The following MED13L variants were observed in gnomAD, a reference collection of about 807,000 sequenced individuals.
MED13L encodes mediator of RNA polymerase II transcription subunit 13-like.
A neutral mutation model predicts 220.9 loss-of-function variants in MED13L; 7 were observed. The observed-to-expected ratio is 0.03, with a 90% CI of 0.02 to 0.06. The LOEUF is 0.06. Among genes scored for constraint, MED13L ranks in the 10% least tolerant of loss-of-function variants. The probability of loss-of-function intolerance (pLI) is 1.00; values close to 1 mark genes in which losing one functional copy is unlikely to be tolerated. For missense variants in MED13L, 1,965 were observed against 2,760.5 expected (o/e 0.71, Z 6.46); for synonymous variants, 1,011 against 1,015.2 (o/e 1.00, Z 0.08).
At chr12:116,072,070 T>G (rs1450044793) in intron 4 of MED13L, among the ~76,000 whole-genome samples, 1 of 152,198 alleles carries the variant, frequency 6.6e-6, no homozygotes, top group Non-Finnish European at 1.5e-5. Context: ...TTGTAAAACT[T>G]CCTTTTAACT....
intron 1 of MED13L, among the ~76,000 whole-genome samples, chr12:116,254,843 A>T (rs1420045742): frequency 6.6e-6 from 1 of 152,182 alleles, no homozygotes; most frequent in Non-Finnish European, 1.5e-5. Context: ...ATCTGATAAA[A>T]GTATGTTCCA....
intron 2 of MED13L, among the ~76,000 whole-genome samples, chr12:116,201,674 G>A (rs1380897951): frequency 1.3e-5 from 2 of 152,180 alleles, no homozygotes; most frequent in Non-Finnish European, 2.9e-5. Context: ...ATTGTACAGA[G>A]TTTTAGGAGC....
chr12:116,008,326 G>A (rs1879180155), intron 10 of MED13L, 75 bp downstream of exon 10: 22 of 1,519,578 alleles, frequency 1.4e-5, no homozygotes, highest in Non-Finnish European at 1.8e-5. Context: ...GAATCTGAAA[G>A]TTTAGCAGGT....
chr12:115,997,312 G>T, intron 14 of MED13L, 82 bp from the exon 15 acceptor site: 2 of 1,127,010 alleles, frequency 1.8e-6, no homozygotes, highest in South Asian at 1.3e-5. Context: ...GCACTCTTTG[G>T]CACCAAAAAT....
At position 116,220,814 on chromosome 12, in the gene MED13L, G is replaced by T. The variant is rs762908652; in HGVS notation, c.310+16654C>A. Among the ~76,000 whole-genome samples, 34 of 152,146 alleles carry T rather than the reference G, an allele frequency of 2.2e-4. 1 individual carries two copies. The highest frequency in any genetic ancestry group is 4.1e-4 in the South Asian group (2 of 4,828). ...ATTAATTAACCAAATAAGTTACCAG[G>T]TAAAATTTTAGGCATAATACTTAGT... On this transcript the variant is annotated intron_variant, in intron 2 of 30. Coordinates refer to ENST00000281928, the MANE Select transcript of MED13L (RefSeq NM_015335.5).
Position 116,120,711 on chromosome 12 carries a change from GA to G in MED13L, c.311-9200del, listed in dbSNP as rs147108936. ...ACGGCATGCTGTCTCCATTCCAAAA[GA>G]AAAAAAAATAAAAAACAGGAAAAAA... On this transcript the variant is annotated intron_variant, in intron 2 of 30. Transcript: ENST00000281928. Among the ~76,000 whole-genome samples, 1,094 of 147,260 alleles carry G rather than the reference GA, an allele frequency of 7.4e-3. 12 individuals are homozygous for G. The highest frequency in any genetic ancestry group is 0.013 in the Non-Finnish European group (864 of 66,548).
chr12:116,253,407 CTCTT>C (rs1452030904), intron 1 of MED13L, among the ~76,000 whole-genome samples: 1 of 151,850 alleles, frequency 6.6e-6, no homozygotes, highest in Non-Finnish European at 1.5e-5. Flanking sequence ...CCTGCACAAA[CTCTT>C]TCAGAAAACA....
At chr12:116,118,388 A>G (rs1874716339) in intron 2 of MED13L, among the ~76,000 whole-genome samples, 1 of 152,196 alleles carries the variant, frequency 6.6e-6, no homozygotes, top group African/African-American at 2.4e-5. Flanking sequence ...ATAATTTAAA[A>G]AGCATTCAGT....
Position 116,033,747 on chromosome 12 carries a change from AGTGTGT to A in MED13L, c.480-11152_480-11147del, listed in dbSNP as rs78671683. ...TTGGTTCTCTAAAGTATGAATCATG[AGTGTGT>A]GTGTGTGTGTATGTGTGTACATATA... On this transcript the variant is annotated intron_variant, in intron 4 of 30. Transcript: ENST00000281928. Among the ~76,000 whole-genome samples, 11 of 151,288 alleles carry A rather than the reference AGTGTGT, an allele frequency of 7.3e-5. No homozygotes were observed. In the East Asian group the frequency reaches 1.9e-3, roughly 27 times the overall value.
intron 23 of MED13L, among the ~76,000 whole-genome samples, chr12:115,978,623 G>C (rs1012637244): frequency 6.6e-6 from 1 of 152,090 alleles, no homozygotes; most frequent in Non-Finnish European, 1.5e-5. Context: ...CACCGCGCCC[G>C]GCCTGAACTG....
At chr12:116,274,703 C>T (rs1873670140) in intron 1 of MED13L, among the ~76,000 whole-genome samples, 1 of 151,698 alleles carries the variant, frequency 6.6e-6, no homozygotes, top group Non-Finnish European at 1.5e-5. Flanking sequence ...CTTATCCACA[C>T]TCCACGTACA....
intron 23 of MED13L, among the ~76,000 whole-genome samples, chr12:115,978,806 T>A (rs1877131825): frequency 6.6e-6 from 1 of 152,180 alleles, no homozygotes; most frequent in Non-Finnish European, 1.5e-5. Context: ...AAAATATGAT[T>A]CCCAAACTGT....
At chr12:116,177,720 T>C (rs1034404905) in intron 2 of MED13L, among the ~76,000 whole-genome samples, 1 of 152,156 alleles carries the variant, frequency 6.6e-6, no homozygotes, top group Admixed American at 6.6e-5. Context: ...AAAAGGTAAA[T>C]CTGACCTATG....
chr12:116,124,935 A>G (rs1875448674), intron 2 of MED13L, among the ~76,000 whole-genome samples: 1 of 152,232 alleles, frequency 6.6e-6, no homozygotes, highest in Non-Finnish European at 1.5e-5. Flanking sequence ...TTGAAAGATC[A>G]TAGTTAAACC....
intron 23 of MED13L, among the ~76,000 whole-genome samples, chr12:115,980,234 AC>A (rs1413296093): frequency 3.9e-5 from 6 of 152,242 alleles, no homozygotes; most frequent in African/African-American, 1.4e-4. Context: ...CATAAAAAAA[AC>A]AGTAAGAATT....
intron 10 of MED13L, chr12:116,008,067 G>T: frequency 2.9e-6 from 1 of 347,606 alleles, no homozygotes; most frequent in Non-Finnish European, 5.2e-6. Flanking sequence ...CCTCAAAAAT[G>T]TCAACATACA....
intron 1 of MED13L, among the ~76,000 whole-genome samples, chr12:116,268,188 AG>A (rs55859056): frequency 0.061 from 9,337 of 152,202 alleles, 360 homozygotes; most frequent in African/African-American, 0.1. Flanking sequence ...AGAGGGAGGT[AG>A]GGGGTAACTA....
At chr12:116,163,111 G>A (rs1036764803) in intron 2 of MED13L, among the ~76,000 whole-genome samples, 1 of 152,102 alleles carries the variant, frequency 6.6e-6, no homozygotes, top group Admixed American at 6.6e-5. Flanking sequence ...TGGCAAGACT[G>A]AAGATTACTT....
chr12:116,189,898 C>A (rs567679707), intron 2 of MED13L, among the ~76,000 whole-genome samples: 103 of 152,222 alleles, frequency 6.8e-4, no homozygotes, highest in African/African-American at 2.2e-3. Flanking sequence ...ACCCTGTGAC[C>A]TTGCTGAACT....
Sources: allele counts gnomAD v4.1 joint callset (sites outside exome capture counted in the v4.1 genomes callset), GRCh38; gene constraint gnomAD v4.1.1; transcripts MANE v1.5; gene names NCBI Gene and HGNC (gene_info 2026-07-23, HGNC 2026-07-21).